Variants in SGCZ observed in about 807,000 individuals in gnomAD.
SGCZ encodes the protein zeta-sarcoglycan.
In SGCZ, 40 loss-of-function variants were observed where a neutral mutation model predicts 41.3. The observed-to-expected ratio is 0.97, with a 90% confidence interval of 0.75 to 1.26. The LOEUF (loss-of-function observed/expected upper bound fraction) is 1.26, where lower values mean the gene tolerates loss of function less well. Ranked by LOEUF, SGCZ falls within the 50% of genes most tolerant of loss-of-function variation. The probability of loss-of-function intolerance (pLI) is 0.00; values close to 1 mark genes in which losing one functional copy is unlikely to be tolerated. For missense variants in SGCZ, 552 were observed against 369.8 expected (o/e 1.49, Z -4.04); for synonymous variants, 206 against 137.5 (o/e 1.50, Z -3.49).
intron 1 of SGCZ, among the ~76,000 whole-genome samples, chr8:15,113,397 C>A (rs758154481): frequency 6.6e-6 from 1 of 152,128 alleles, no homozygotes; most frequent in Non-Finnish European, 1.5e-5. Context: ...TTTTCTCTTA[C>A]AAGTCCTCAA....
chr8:14,505,931 G>T (rs1169107226), intron 2 of SGCZ, among the ~76,000 whole-genome samples: 29 of 152,066 alleles, frequency 1.9e-4, no homozygotes, highest in Non-Finnish European at 1.0e-4. Context: ...TGTTCAGGAT[G>T]GTCCAAAGAC....
At chr8:14,577,509 C>A (rs1804749022) in intron 1 of SGCZ, among the ~76,000 whole-genome samples, 1 of 151,498 alleles carries the variant, frequency 6.6e-6, no homozygotes, top group South Asian at 2.1e-4. Flanking sequence ...CTGTCTCAGC[C>A]TCCGAGTAGC....
chr8:14,894,033 T>C (rs1390970934), intron 1 of SGCZ, among the ~76,000 whole-genome samples: 2 of 152,146 alleles, frequency 1.3e-5, no homozygotes, highest in East Asian at 3.9e-4. Context: ...TTTTTTCCTT[T>C]AAATGAGACT....
At chr8:14,707,803 G>A (rs552400182) in intron 1 of SGCZ, among the ~76,000 whole-genome samples, 3 of 152,042 alleles carry the variant, frequency 2.0e-5, no homozygotes, top group African/African-American at 7.2e-5. Flanking sequence ...TTTACCTGTG[G>A]CAAAATAAAT....
At chr8:14,314,371 A>G (rs1801648205) in intron 3 of SGCZ, among the ~76,000 whole-genome samples, 1 of 152,160 alleles carries the variant, frequency 6.6e-6, no homozygotes, top group Non-Finnish European at 1.5e-5. Flanking sequence ...CATTCAACCA[A>G]TATAAATCAA....
intron 1 of SGCZ, among the ~76,000 whole-genome samples, chr8:15,099,213 C>T (rs1806508443): frequency 6.6e-6 from 1 of 152,090 alleles, no homozygotes; most frequent in Non-Finnish European, 1.5e-5. Context: ...TGTGATTGGC[C>T]TTGTGTCTTC....
At chr8:14,657,453 A>G (rs1807612608) in intron 1 of SGCZ, among the ~76,000 whole-genome samples, 1 of 152,134 alleles carries the variant, frequency 6.6e-6, no homozygotes, top group Non-Finnish European at 1.5e-5. Flanking sequence ...TTGTAAAATA[A>G]AGTTGACATT....
chr8:15,155,444 C>T (rs945619908), intron 1 of SGCZ, among the ~76,000 whole-genome samples: 3 of 152,100 alleles, frequency 2.0e-5, no homozygotes, highest in African/African-American at 4.8e-5. Context: ...TAATGCAAAA[C>T]AATACTCCTA....
At chr8:14,262,341 G>C (rs1799704087) in intron 3 of SGCZ, among the ~76,000 whole-genome samples, 2 of 152,048 alleles carry the variant, frequency 1.3e-5, no homozygotes, top group African/African-American at 4.8e-5. Flanking sequence ...AAATAATTCT[G>C]TACAATAGCA....
intron 1 of SGCZ, among the ~76,000 whole-genome samples, chr8:15,143,483 C>T (rs1798953379): frequency 6.6e-6 from 1 of 152,198 alleles, no homozygotes; most frequent in Non-Finnish European, 1.5e-5. Context: ...ATAATATTCT[C>T]ATGCTCCAGT....
At chr8:14,349,380 A>T (rs1803007579) in intron 2 of SGCZ, among the ~76,000 whole-genome samples, 1 of 152,072 alleles carries the variant, frequency 6.6e-6, no homozygotes, top group African/African-American at 2.4e-5. Flanking sequence ...CCCCTTTTAT[A>T]GTATATATTT....
Position 14,808,011 on chromosome 8 carries a change from G to T in SGCZ, c.40-253085C>A, listed in dbSNP as rs541819839. 2.6e-3 allele frequency among the ~76,000 whole-genome samples: 397 copies of T among 151,796 alleles called. 5 individuals carry two copies. Among genetic ancestry groups the T allele is most frequent in the African/African-American group, 8.6e-3 (357 of 41,424 alleles). On this transcript the variant is annotated intron_variant, in intron 1 of 7. Coordinates refer to ENST00000382080, the MANE Select transcript of SGCZ (RefSeq NM_139167.4). ...TTCCCTATTTAATAAATGGTGCTGG[G>T]AAAACTGGCTAGCCATATGTAGAAA... is the stretch of plus-strand genomic sequence containing the variant.
intron 1 of SGCZ, among the ~76,000 whole-genome samples, chr8:14,994,540 T>G (rs887005362): frequency 2.7e-5 from 4 of 150,388 alleles, no homozygotes; most frequent in Admixed American, 6.7e-5. Flanking sequence ...GTCGAGATTG[T>G]GCCACTGCAC....
intron 1 of SGCZ, among the ~76,000 whole-genome samples, chr8:14,972,551 G>C (rs1801336475): frequency 6.6e-6 from 1 of 152,044 alleles, no homozygotes; most frequent in African/African-American, 2.4e-5. Context: ...CTTGTTGTTT[G>C]TTTTCTATTT....
At chr8:14,883,301 G>A (rs779450175) in intron 1 of SGCZ, among the ~76,000 whole-genome samples, 2 of 151,114 alleles carry the variant, frequency 1.3e-5, no homozygotes, top group Non-Finnish European at 2.9e-5. Flanking sequence ...GTATTTTTCA[G>A]TTTTGGCCCT....
At chr8:14,861,271 T>A (rs1489147964) in intron 1 of SGCZ, among the ~76,000 whole-genome samples, 1 of 152,134 alleles carries the variant, frequency 6.6e-6, no homozygotes, top group Non-Finnish European at 1.5e-5. Flanking sequence ...TTCAAAATAG[T>A]GACAAAGAAG....
chr8:14,599,813 AT>A (rs1805529938), intron 1 of SGCZ, among the ~76,000 whole-genome samples: 1 of 152,154 alleles, frequency 6.6e-6, no homozygotes, highest in South Asian at 2.1e-4. Flanking sequence ...ATCTCCTAGC[AT>A]TTTATAAACA....
In SGCZ at chr8:15,237,586, T is replaced by C; in HGVS notation, c.38A>G (p.Lys13Arg). 6.3e-7 allele frequency: 1 copy of C among 1,590,092 alleles called. No individual in the cohort carries two copies. The highest frequency in any genetic ancestry group is 1.1e-5 in the South Asian group (1 of 87,828). Reference protein sequence around the residue: ...RSTNLDIEELKMTREQYILAT... With the variant: ...RSTNLDIEELRMTREQYILAT... ...AAGCCCGCCCGGACCCGCACGTACC[T>C]TGAGCTCCTCAATGTCCAGGTTCGT... is the stretch of plus-strand genomic sequence containing the variant. The change falls in exon 1 of 8, where the codon AAG becomes AGG. Residue 13 changes from lysine (K) to arginine (R), a missense_variant and splice_region_variant. By Grantham distance (26) the Lys-to-Arg change is conservative. Coordinates refer to ENST00000382080, the MANE Select transcript of SGCZ (RefSeq NM_139167.4).
intron 1 of SGCZ, among the ~76,000 whole-genome samples, chr8:15,004,094 T>C (rs1472366197): frequency 6.6e-6 from 1 of 151,986 alleles, no homozygotes; most frequent in African/African-American, 2.4e-5. Context: ...GAGAAATACC[T>C]GTGCAGAAAG....
Sources: gnomAD v4.1 joint callset for allele counts (sites outside exome capture counted in the v4.1 genomes callset) on GRCh38, gnomAD v4.1.1 for gene constraint, MANE v1.5 for transcripts, NCBI Gene and HGNC (gene_info 2026-07-23, HGNC 2026-07-21) for gene names.